The following POU2F2 variants were observed in gnomAD, a reference collection of about 807,000 sequenced individuals.
POU2F2 encodes the protein POU domain, class 2, transcription factor 2.
In POU2F2, 14 loss-of-function variants were observed where a neutral mutation model predicts 63.5. The observed-to-expected ratio is 0.22, with a 90% confidence interval of 0.15 to 0.34. POU2F2 has a LOEUF of 0.34. Among genes scored for constraint, POU2F2 ranks in the 10% least tolerant of loss-of-function variants. The pLI is 1.00. For missense variants in POU2F2, 607 were observed against 815.2 expected, an observed-to-expected ratio of 0.74 and a Z score of 3.11; for synonymous variants, 306 against 348.6, an observed-to-expected ratio of 0.88 and a Z score of 1.36.
At chr19:42,179,542 G>GGGA (rs1216604204), upstream of POU2F2, among the ~76,000 whole-genome samples, 1 of 151,952 alleles carries the variant, frequency 6.6e-6, no homozygotes, top group Non-Finnish European at 1.5e-5. Flanking sequence ...GGGAGGGAAA[G>GGGA]GGAGGAGGAG....
At chr19:42,106,808 G>C (rs1265435728) in intron 5 of POU2F2, among the ~76,000 whole-genome samples, 4 of 149,650 alleles carry the variant, frequency 2.7e-5, no homozygotes, top group African/African-American at 9.8e-5. Context: ...AGGAGGAAGA[G>C]GAGGAGGAGG....
At chr19:42,180,332 G>A (rs112440529), upstream of POU2F2, among the ~76,000 whole-genome samples, 121 of 152,182 alleles carry the variant, frequency 8.0e-4, 1 homozygote, top group African/African-American at 2.7e-3. Flanking sequence ...CACCCACTCC[G>A]CTTGCATACA....
chr19:42,184,761 G>T (rs2034996533), intron 1 of POU2F2, among the ~76,000 whole-genome samples: 1 of 152,068 alleles, frequency 6.6e-6, no homozygotes, highest in South Asian at 2.1e-4. Flanking sequence ...TCACTCTCTT[G>T]GTTCTCCAGC....
chr19:42,193,056 T>TA (rs1341259162), intron 1 of POU2F2, among the ~76,000 whole-genome samples: 2 of 148,036 alleles, frequency 1.4e-5, no homozygotes, highest in Non-Finnish European at 3.0e-5. Flanking sequence ...CCGTCTCTAC[T>TA]AAAAATACAA....
intron 5 of POU2F2, among the ~76,000 whole-genome samples, chr19:42,101,127 A>G (rs1388102100): frequency 6.6e-6 from 1 of 152,154 alleles, no homozygotes; most frequent in African/African-American, 2.4e-5. Context: ...CAAAACAAAC[A>G]AACAAAAAAC....
intron 1 of POU2F2, among the ~76,000 whole-genome samples, chr19:42,124,268 C>T (rs545148920): frequency 5.5e-5 from 8 of 145,586 alleles, no homozygotes; most frequent in East Asian, 2.0e-4. Context: ...TGCACCACTG[C>T]GCTCCAGCCT....
At position 42,095,843 on chromosome 19, in the gene POU2F2, G is replaced by A. The variant is rs138243265; in HGVS notation, c.816C>T (p.Ser272=). The stretch of plus-strand genomic sequence containing the variant: ...GCTTGAGTTTGCACATGTTCTTGAA[G>A]CTCAGGTTGAGGGCCTCGAAGCGGG... ...TISRFEALNL[S]FKNMCKLKPL... is the part of the protein sequence containing the mutation. Residue 272 remains serine (S), a synonymous_variant, in exon 9 of 15, where the codon AGC becomes AGT. Coordinates refer to ENST00000692977, the MANE Select transcript of POU2F2 (RefSeq NM_001394376.1). The surrounding 1 kb of genome is among the most constrained non-coding windows in gnomAD (Gnocchi z 7.1). 2,041 of 1,614,076 alleles carry A rather than the reference G, an allele frequency of 1.3e-3. 2 individuals are homozygous for A. The highest frequency in any genetic ancestry group is 1.6e-3 in the Non-Finnish European group (1,925 of 1,179,932).
chr19:42,149,831 A>C lies in POU2F2; in HGVS notation c.-9+10501T>G, dbSNP rs149830743. 5.3e-3 allele frequency among the ~76,000 whole-genome samples: 808 copies of C among 152,218 alleles called. 10 individuals carry two copies. The highest frequency in any genetic ancestry group is 0.019 in the African/African-American group (777 of 41,542). On this transcript the variant is annotated intron_variant, in intron 2 of 6. Transcript: ENST00000524801. ...CAGCAGGGTGTGTGGTGTCGTCCCC[A>C]TCCCTGAAGGGGCTGCTCCGGGCAG...
At position 42,091,420 on chromosome 19, in the gene POU2F2, G is replaced by A; in HGVS notation, c.1712C>T (p.Ser571Leu). Residue 571 changes from serine to leucine, a missense_variant, in exon 15 of 15, where the codon TCA (serine) becomes TTA (leucine). By Grantham distance (145) the Ser-to-Leu change is moderately radical. Transcript: ENST00000692977. ...LSTPPGVGLV[S>L]AAAAAVAASI... ...GGCTGCCACAGCCGCAGCCGCTGCTGAGACCAGGCCCACACCAGGCGGGGT... is the reference window on the plus strand; with the variant it reads ...GGCTGCCACAGCCGCAGCCGCTGCTAAGACCAGGCCCACACCAGGCGGGGT... 6.5e-7 allele frequency: 1 copy of A among 1,549,484 alleles called. No individual in the cohort carries two copies. Among genetic ancestry groups the A allele is most frequent in the Non-Finnish European group, 8.7e-7 (1 of 1,146,944 alleles).
At position 42,155,432 on chromosome 19, in the gene POU2F2, C is replaced by CT. The variant is rs765882262; in HGVS notation, c.-9+4899_-9+4900insA. Among the ~76,000 whole-genome samples, 3 of 152,142 alleles carry CT rather than the reference C, an allele frequency of 2.0e-5. No homozygotes were observed. The highest frequency in any genetic ancestry group is 4.8e-5 in the African/African-American group (2 of 41,406). On this transcript the variant is annotated intron_variant, in intron 2 of 6. Transcript: ENST00000524801. This position sits in a 1 kb window ranked among gnomAD's most constrained non-coding sequence, Gnocchi z 4.2. ...TCCCATCTGGTGTATTCTGGATTCC[C>CT]CTTTCTTAGACAATCCCTCTGGCCC...
At chr19:42,195,524 G>A (rs989643952) in intron 1 of POU2F2, among the ~76,000 whole-genome samples, 1 of 151,408 alleles carries the variant, frequency 6.6e-6, no homozygotes, top group African/African-American at 2.4e-5. Context: ...AGTAGAGAAG[G>A]GGTTTCCCAG....
At chr19:42,101,639 G>A (rs2077145578) in intron 5 of POU2F2, among the ~76,000 whole-genome samples, 1 of 152,140 alleles carries the variant, frequency 6.6e-6, no homozygotes, top group South Asian at 2.1e-4. Context: ...CACCCAGTTT[G>A]TGGTTCTTTG....
At chr19:42,145,490 G>C (rs537174116) in intron 2 of POU2F2, among the ~76,000 whole-genome samples, 1 of 152,380 alleles carries the variant, frequency 6.6e-6, no homozygotes, top group East Asian at 1.9e-4. Flanking sequence ...GATCGCATGA[G>C]ACACAGTGCC....
intron 5 of POU2F2, among the ~76,000 whole-genome samples, chr19:42,104,484 T>C (rs995260442): frequency 2.0e-5 from 3 of 151,420 alleles, no homozygotes; most frequent in Non-Finnish European, 4.4e-5. Flanking sequence ...ACAGGATGGG[T>C]TGGATGAATG....
At chr19:42,151,083 GA>G (rs1281765256) in intron 2 of POU2F2, among the ~76,000 whole-genome samples, 22 of 152,214 alleles carry the variant, frequency 1.4e-4, no homozygotes, top group Non-Finnish European at 3.2e-4. Flanking sequence ...CTCACTCCCG[GA>G]GCCATTTGGC....
intron 5 of POU2F2, among the ~76,000 whole-genome samples, chr19:42,112,633 G>C (rs1248194512): frequency 6.6e-6 from 1 of 152,114 alleles, no homozygotes; most frequent in East Asian, 1.9e-4. Context: ...GCCTCCCAGA[G>C]TGCTGGAATT....
At chr19:42,093,563 GAGGCC>G in intron 12 of POU2F2, 1 of 385,332 alleles carries the variant, frequency 2.6e-6, no homozygotes, top group Non-Finnish European at 4.6e-6. Flanking sequence ...AAAAATGACA[GAGGCC>G]AGGCACAAAA....
At chr19:42,139,965 CAAT>C (rs1256092886) in intron 2 of POU2F2, among the ~76,000 whole-genome samples, 1 of 152,242 alleles carries the variant, frequency 6.6e-6, no homozygotes, top group Non-Finnish European at 1.5e-5. Context: ...CACAGTCACA[CAAT>C]GAGGCTGGAG....
At chr19:42,105,341 T>C (rs1676296991) in intron 5 of POU2F2, among the ~76,000 whole-genome samples, 1 of 152,156 alleles carries the variant, frequency 6.6e-6, no homozygotes, top group Non-Finnish European at 1.5e-5. Flanking sequence ...TATCTTATTC[T>C]TCGTATATCC....
Sources: allele counts gnomAD v4.1 joint callset (sites outside exome capture counted in the v4.1 genomes callset), GRCh38; gene constraint gnomAD v4.1.1; non-coding constraint Gnocchi (gnomAD v3.1); transcripts MANE v1.5; gene names NCBI Gene and HGNC (gene_info 2026-07-23, HGNC 2026-07-21).